SPRED1: variants seen among roughly 807,000 people sequenced by gnomAD.
SPRED1 encodes the protein sprouty related EVH1 domain containing 1.
Under a neutral mutation model 52.3 loss-of-function variants are expected in SPRED1, and 18 were observed. The observed-to-expected ratio is 0.34, with a 90% CI of 0.24 to 0.51. The LOEUF (loss-of-function observed/expected upper bound fraction) is 0.51, where lower values mean the gene tolerates loss of function less well. Ranked by LOEUF, SPRED1 falls within the 20% of genes least tolerant of loss-of-function variation. The pLI, the probability that SPRED1 is intolerant of heterozygous loss-of-function variation, is 0.97. For missense variants in SPRED1, 485 were observed against 551.0 expected (o/e 0.88, Z 1.20); for synonymous variants, 155 against 179.7 (o/e 0.86, Z 1.10).
At chr15:38,260,508 T>G (rs1304511902) in intron 1 of SPRED1, among the ~76,000 whole-genome samples, 1 of 150,960 alleles carries the variant, frequency 6.6e-6, no homozygotes, top group Non-Finnish European at 1.5e-5. Flanking sequence ...ACTACGGATT[T>G]TTTTTTTCTT....
At chr15:38,329,079 G>A (rs1396208117) in intron 4 of SPRED1, among the ~76,000 whole-genome samples, 1 of 152,040 alleles carries the variant, frequency 6.6e-6, no homozygotes, top group Non-Finnish European at 1.5e-5. Flanking sequence ...ATCATTTTAA[G>A]TGCTGACAGA....
intron 2 of SPRED1, among the ~76,000 whole-genome samples, chr15:38,320,673 A>G (rs1016142948): frequency 2.0e-5 from 3 of 152,132 alleles, no homozygotes; most frequent in Non-Finnish European, 2.9e-5. Flanking sequence ...CCAGCTGAGC[A>G]TTTATTATGT....
chr15:38,331,368 C>T (rs998403830), intron 4 of SPRED1, among the ~76,000 whole-genome samples: 2 of 151,870 alleles, frequency 1.3e-5, no homozygotes, highest in Non-Finnish European at 2.9e-5. Flanking sequence ...AGATTTTTGG[C>T]ATTTCTCACC....
rs1427402192 is a variant in SPRED1 at position 38,351,171 on chromosome 15, A to G, written c.842A>G (p.Gln281Arg). The change falls in exon 7 of 7, where the codon CAG becomes CGG. Residue 281 changes from glutamine (Q) to arginine (R), a missense_variant. Physicochemically the swap from Gln to Arg is conservative, Grantham distance 43. Transcript: ENST00000299084. ...LERDDADSSIQFSKPDSKKSD... is the reference protein window; with the variant it reads ...LERDDADSSIRFSKPDSKKSD... ...AGAGATGATGCTGATTCCAGTATTCAGTTTTCTAAACCAGACAGTAAAAAA... is the reference window on the plus strand; with the variant it reads ...AGAGATGATGCTGATTCCAGTATTCGGTTTTCTAAACCAGACAGTAAAAAA... 3.7e-6 allele frequency: 6 copies of G among 1,614,016 alleles called. No individual in the cohort carries two copies. The African/African-American group carries it at 6.7e-5, about 18-fold the overall frequency.
intron 1 of SPRED1, among the ~76,000 whole-genome samples, chr15:38,288,446 A>G (rs1311230211): frequency 6.6e-6 from 1 of 152,206 alleles, no homozygotes; most frequent in Non-Finnish European, 1.5e-5. Flanking sequence ...TCAGATAGTC[A>G]TAGGCATTAT....
chr15:38,354,910 A>C lies in SPRED1; in HGVS notation c.*3246A>C, dbSNP rs1350194475. The C allele has an allele frequency of 6.6e-6, 1 of 152,164 alleles. No individual in the cohort carries two copies. The highest frequency in any genetic ancestry group is 6.5e-5 in the Admixed American group (1 of 15,272). The allele number at this position is 152,164 out of a possible 1,614,324, so 9.4% of individuals were successfully genotyped here. A position where few individuals can be genotyped will look rare whatever the true frequency, so the allele number is the denominator to read the frequency against. On this transcript the variant is annotated 3_prime_UTR_variant, in exon 7 of 7. Coordinates refer to ENST00000299084, the MANE Select transcript of SPRED1 (RefSeq NM_152594.3). Reference sequence around the variant, plus strand: ...AATCAAAACATGAAAAAACATAATCACACCTGTATTTTATCATGACAGCTT... The same window carrying C: ...AATCAAAACATGAAAAAACATAATCCCACCTGTATTTTATCATGACAGCTT...
chr15:38,324,053 A>C (rs888657191), intron 3 of SPRED1, among the ~76,000 whole-genome samples: 4 of 152,158 alleles, frequency 2.6e-5, no homozygotes, highest in Non-Finnish European at 5.9e-5. Context: ...AACAATCTCA[A>C]ATTGCTTTTA....
chr15:38,292,478 G>T (rs1894943820), intron 1 of SPRED1, among the ~76,000 whole-genome samples: 1 of 152,146 alleles, frequency 6.6e-6, no homozygotes. Flanking sequence ...GGAAGAAAAA[G>T]AGGTTTAATT....
chr15:38,355,400 T>G lies in SPRED1; in HGVS notation c.*3736T>G, dbSNP rs1313832758. On this transcript the variant is annotated 3_prime_UTR_variant, in exon 7 of 7. Coordinates refer to ENST00000299084, the MANE Select transcript of SPRED1 (RefSeq NM_152594.3). Reference sequence around the variant, plus strand: ...ATGCACTTTCAATTCATGTGTATAGTGCCATCTGATATCTTGGGTAAGTCT... The same window carrying G: ...ATGCACTTTCAATTCATGTGTATAGGGCCATCTGATATCTTGGGTAAGTCT... 6.6e-6 allele frequency: 1 copy of G among 152,244 alleles called. No homozygotes were observed. Among genetic ancestry groups the G allele is most frequent in the Non-Finnish European group, 1.5e-5 (1 of 68,054 alleles). 9.4% of individuals were successfully genotyped at this position (152,244 alleles called of 1,614,324 possible). A position where few individuals can be genotyped will look rare whatever the true frequency, so the allele number is the denominator to read the frequency against.
At chr15:38,294,617 A>G (rs1219274694) in intron 1 of SPRED1, among the ~76,000 whole-genome samples, 4 of 152,212 alleles carry the variant, frequency 2.6e-5, no homozygotes, top group Non-Finnish European at 5.9e-5. Context: ...TAGAAAAGAA[A>G]GGTATAGAGA....
At chr15:38,307,335 A>G (rs559080698) in intron 2 of SPRED1, among the ~76,000 whole-genome samples, 6 of 152,116 alleles carry the variant, frequency 3.9e-5, no homozygotes, top group Admixed American at 1.3e-4. Flanking sequence ...AACAGAATTT[A>G]TTTTCTCACA....
At chr15:38,279,221 C>T (rs924365786) in intron 1 of SPRED1, among the ~76,000 whole-genome samples, 2 of 152,102 alleles carry the variant, frequency 1.3e-5, no homozygotes, top group African/African-American at 4.8e-5. Context: ...GGTACACCCA[C>T]GATATGATCG....
intron 1 of SPRED1, among the ~76,000 whole-genome samples, chr15:38,279,749 T>C (rs111316141): frequency 7.2e-4 from 110 of 152,270 alleles, no homozygotes; most frequent in African/African-American, 2.5e-3. Context: ...CGTGTTAATA[T>C]TAGTGGTAGT....
intron 5 of SPRED1, among the ~76,000 whole-genome samples, chr15:38,340,677 C>G (rs143727467): frequency 1.3e-5 from 2 of 152,070 alleles, no homozygotes; most frequent in African/African-American, 4.8e-5. Flanking sequence ...GGATTACAGG[C>G]ACCTGCCACC....
At chr15:38,313,787 A>C (rs1895416544) in intron 2 of SPRED1, among the ~76,000 whole-genome samples, 1 of 151,660 alleles carries the variant, frequency 6.6e-6, no homozygotes, top group South Asian at 2.1e-4. Flanking sequence ...TAACATTTTA[A>C]ATTGGACATT....
chr15:38,302,929 C>T (rs1473541456), intron 2 of SPRED1, among the ~76,000 whole-genome samples: 4 of 151,660 alleles, frequency 2.6e-5, no homozygotes, highest in South Asian at 2.1e-4. Context: ...TTTGGAAGGC[C>T]GAGGCAGGCG....
rs1286447031 is a variant in SPRED1, at chr15:38,356,297, G to GT, written c.*4637dup. The GT allele has an allele frequency of 2.0e-5, 3 of 152,086 alleles. No homozygotes were observed. The highest frequency in any genetic ancestry group is 4.4e-5 in the Non-Finnish European group (3 of 67,964). The allele number at this position is 152,086 out of a possible 1,614,324, so 9.4% of individuals were successfully genotyped here. A position where few individuals can be genotyped will look rare whatever the true frequency, so the allele number is the denominator to read the frequency against. On this transcript the variant is annotated 3_prime_UTR_variant, in exon 7 of 7. Transcript: ENST00000299084. Reference sequence around the variant, plus strand: ...TCAGATATAGTTAACTAGCTTGATAGTTTTGAGTATATAATGTAAATAATA... The same window carrying GT: ...TCAGATATAGTTAACTAGCTTGATAGTTTTTGAGTATATAATGTAAATAATA...
chr15:38,350,316 G>C (rs145417026), intron 6 of SPRED1, among the ~76,000 whole-genome samples: 20 of 152,104 alleles, frequency 1.3e-4, no homozygotes, highest in African/African-American at 4.8e-4. Flanking sequence ...GTACATCCCT[G>C]GTGTCTTTCT....
intron 1 of SPRED1, among the ~76,000 whole-genome samples, chr15:38,256,678 G>A (rs749218771): frequency 1.1e-4 from 17 of 152,088 alleles, no homozygotes; most frequent in East Asian, 1.9e-4. Context: ...CTGTTTTTCC[G>A]TAAATAGAAA....
Sources: gnomAD v4.1 joint callset for allele counts (sites outside exome capture counted in the v4.1 genomes callset) on GRCh38, gnomAD v4.1.1 for gene constraint, MANE v1.5 for transcripts, NCBI Gene and HGNC (gene_info 2026-07-23, HGNC 2026-07-21) for gene names.